Variants in EIF2AK4 observed in about 807,000 individuals in gnomAD.
The protein encoded by EIF2AK4 is eukaryotic translation initiation factor 2 alpha kinase 4.
Under a neutral mutation model 211.1 loss-of-function variants are expected in EIF2AK4, and 139 were observed. The ratio of observed to expected loss-of-function variants is 0.66; its 90% CI spans 0.57 to 0.76. The LOEUF (loss-of-function observed/expected upper bound fraction) is 0.76. Among genes scored for constraint, EIF2AK4 ranks in the 30% least tolerant of loss-of-function variants. EIF2AK4 has a pLI of 0.00. For synonymous variants in EIF2AK4, 710 were observed against 751.3 expected (o/e 0.94, Z 0.90); for missense variants, 1,664 against 2,043.8 (o/e 0.81, Z 3.58).
At chr15:40,023,599 C>G (rs990429902) in intron 32 of EIF2AK4, among the ~76,000 whole-genome samples, 1 of 152,194 alleles carries the variant, frequency 6.6e-6, no homozygotes, top group Non-Finnish European at 1.5e-5. Flanking sequence ...GTTTCACTGT[C>G]TCTAGGATCT....
chr15:39,994,967 G>A (rs1019589596), intron 18 of EIF2AK4, among the ~76,000 whole-genome samples: 5 of 151,986 alleles, frequency 3.3e-5, no homozygotes, highest in Non-Finnish European at 7.4e-5. Flanking sequence ...TCAGACTCCC[G>A]AGTAGCTGGG....
chr15:39,963,904 G>A (rs945080319), intron 7 of EIF2AK4, among the ~76,000 whole-genome samples: 2 of 152,186 alleles, frequency 1.3e-5, no homozygotes, highest in Non-Finnish European at 1.5e-5. Flanking sequence ...GCAAAACACT[G>A]TACTGCATAA....
chr15:40,013,026 G>A (rs893477472), intron 27 of EIF2AK4, among the ~76,000 whole-genome samples: 3 of 152,142 alleles, frequency 2.0e-5, no homozygotes, highest in Admixed American at 6.5e-5. Flanking sequence ...ATAGGGTGAG[G>A]ACCAAAATCT....
chr15:39,970,183 C>G (rs989249381), intron 9 of EIF2AK4, among the ~76,000 whole-genome samples: 4 of 152,184 alleles, frequency 2.6e-5, no homozygotes, highest in African/African-American at 9.7e-5. Flanking sequence ...CATTTTATCC[C>G]TTTTTGTTCA....
chr15:39,956,785 T>A (rs536819928), intron 6 of EIF2AK4, among the ~76,000 whole-genome samples: 1 of 152,172 alleles, frequency 6.6e-6, no homozygotes, highest in South Asian at 2.1e-4. Flanking sequence ...CTTGTGAGAC[T>A]CTAAGCACAA....
chr15:39,972,829 C>A (rs1051780357), intron 9 of EIF2AK4, 79 bp from the exon 10 acceptor site: 15 of 1,088,224 alleles, frequency 1.4e-5, no homozygotes, highest in Non-Finnish European at 1.8e-5. Flanking sequence ...AAAAAATAAA[C>A]CCATAGTTAA....
chr15:40,019,566 A>G (rs539388723), intron 30 of EIF2AK4, among the ~76,000 whole-genome samples: 1 of 152,270 alleles, frequency 6.6e-6, no homozygotes, highest in East Asian at 1.9e-4. Context: ...ATTAGATTCT[A>G]TAGGAGCATG....
chr15:39,955,754 C>T lies in EIF2AK4; in HGVS notation c.729C>T (p.Ser243=), dbSNP rs749769008. ...FVGNGKHRAN[S]SGRSRRERQY... is the part of the protein sequence containing the mutation. ...GAAATGGTAAACATCGGGCAAACTC[C>T]TCAGGAAGGTCTAGGTAAGTCCCTG... The change falls in exon 6 of 39, where the codon TCC becomes TCT. Residue 243 remains serine (S), a synonymous_variant. Transcript: ENST00000263791. 3.7e-6 allele frequency: 6 copies of T among 1,610,670 alleles called. No individual in the cohort carries two copies. In the South Asian group the frequency reaches 5.6e-5, roughly 15 times the overall value.
chr15:39,976,807 G>A lies in EIF2AK4; in HGVS notation c.2212G>A (p.Glu738Lys). ...PGSSDDEDDD[E>K]DEHGGVFSQS... ...CTCCAGCGATGACGAGGACGACGAC[G>A]AGGACGAGCACGGTGGCGTCTTCTC... Residue 738 changes from glutamate to lysine, a missense_variant, in exon 12 of 39, where the codon GAG becomes AAG. Physicochemically the swap from Glu to Lys is moderately conservative, Grantham distance 56. Coordinates refer to ENST00000263791, the MANE Select transcript of EIF2AK4 (RefSeq NM_001013703.4). 6.4e-7 allele frequency: 1 copy of A among 1,571,876 alleles called. No individual in the cohort carries two copies. Among genetic ancestry groups the A allele is most frequent in the Non-Finnish European group, 8.6e-7 (1 of 1,161,244 alleles).
At chr15:39,966,279 G>A (rs879600942) in intron 8 of EIF2AK4, among the ~76,000 whole-genome samples, 5 of 151,754 alleles carry the variant, frequency 3.3e-5, no homozygotes, top group Non-Finnish European at 5.9e-5. Flanking sequence ...AGACCAGTCT[G>A]GGCAACATGG....
chr15:39,942,774 G>A (rs2140898101), intron 2 of EIF2AK4, among the ~76,000 whole-genome samples: 1 of 152,296 alleles, frequency 6.6e-6, no homozygotes, highest in South Asian at 2.1e-4. Flanking sequence ...TTTCCACCTG[G>A]TTTCGATCAG....
At chr15:40,031,184 G>A (rs930039185) in intron 35 of EIF2AK4, among the ~76,000 whole-genome samples, 10 of 152,152 alleles carry the variant, frequency 6.6e-5, no homozygotes, top group African/African-American at 1.9e-4. Flanking sequence ...AGATTGCAGT[G>A]AGCCAAGATC....
chr15:40,019,365 C>A (rs2035352750), intron 30 of EIF2AK4, among the ~76,000 whole-genome samples, 165 bp downstream of exon 30: 2 of 152,236 alleles, frequency 1.3e-5, no homozygotes, highest in South Asian at 4.1e-4. Flanking sequence ...GACTTGATGT[C>A]AATCCCTGCA....
chr15:39,998,270 G>GTTTTTTTTTTTTTTTTTTTTTTTTTTTT (rs11435806), intron 19 of EIF2AK4, among the ~76,000 whole-genome samples: 1 of 125,394 alleles, frequency 8.0e-6, no homozygotes, highest in Admixed American at 8.4e-5. Flanking sequence ...TTTTTTTTTT[G>GTTTTTTTTTTTTTTTTTTTTTTTTTTTT]TTTTGTTTTT....
intron 7 of EIF2AK4, among the ~76,000 whole-genome samples, chr15:39,964,843 T>C (rs1392409209): frequency 2.6e-5 from 4 of 152,220 alleles, no homozygotes; most frequent in African/African-American, 7.2e-5. Context: ...AACTGTCATC[T>C]CTTGTTCTTT....
At chr15:40,030,545 A>G (rs1422986584) in intron 35 of EIF2AK4, 89 bp downstream of exon 35, 11 of 1,337,704 alleles carry the variant, frequency 8.2e-6, no homozygotes, top group Non-Finnish European at 1.0e-5. Flanking sequence ...ATAAACATGG[A>G]ATTTCTTGGA....
At chr15:39,946,032 A>T (rs771533362) in intron 3 of EIF2AK4, among the ~76,000 whole-genome samples, 3 of 152,352 alleles carry the variant, frequency 2.0e-5, no homozygotes, top group South Asian at 4.1e-4. Context: ...AAGGAGATGT[A>T]CAAGGAGATT....
At chr15:39,999,270 T>C (rs2035062007) in intron 20 of EIF2AK4, among the ~76,000 whole-genome samples, 1 of 152,132 alleles carries the variant, frequency 6.6e-6, no homozygotes, top group African/African-American at 2.4e-5. Context: ...AATATCTGAG[T>C]ATATGTGTGT....
intron 33 of EIF2AK4, among the ~76,000 whole-genome samples, chr15:40,028,820 T>TA (rs1381315212): frequency 6.6e-6 from 1 of 152,202 alleles, no homozygotes; most frequent in African/African-American, 2.4e-5. Context: ...CCAAGACACT[T>TA]AAAAGGCTAC....
Sources: allele counts gnomAD v4.1 joint callset (sites outside exome capture counted in the v4.1 genomes callset), GRCh38; gene constraint gnomAD v4.1.1; transcripts MANE v1.5; gene names NCBI Gene and HGNC (gene_info 2026-07-23, HGNC 2026-07-21).